Variants in LDLRAD3 observed in about 807,000 individuals in gnomAD.
LDLRAD3 encodes the protein low-density lipoprotein receptor class A domain-containing protein 3.
Under a neutral mutation model 29.4 loss-of-function variants are expected in LDLRAD3, and 20 were observed. That is an observed-to-expected ratio of 0.68 (90% CI 0.48 to 0.99). The LOEUF (loss-of-function observed/expected upper bound fraction) is 0.99, where lower values mean the gene tolerates loss of function less well. Among genes scored for constraint, LDLRAD3 ranks in the 50% least tolerant of loss-of-function variants. The probability of loss-of-function intolerance (pLI) is 0.00; values close to 1 mark genes in which losing one functional copy is unlikely to be tolerated. For missense variants in LDLRAD3, 420 were observed against 454.3 expected (o/e 0.92, Z 0.69); for synonymous variants, 157 against 192.7 (o/e 0.81, Z 1.53).
chr11:35,989,573 T>C (rs977261161), intron 1 of LDLRAD3, among the ~76,000 whole-genome samples: 2 of 152,146 alleles, frequency 1.3e-5, no homozygotes, highest in Admixed American at 6.5e-5. Context: ...ATTCTCCTTA[T>C]AGAGATCTTT....
chr11:36,089,431 ATTTT>A (rs34553102), intron 3 of LDLRAD3, among the ~76,000 whole-genome samples: 1 of 146,254 alleles, frequency 6.8e-6, no homozygotes, highest in Admixed American at 6.8e-5. Context: ...TTCCCAATAC[ATTTT>A]TTTTTTTTTT....
chr11:36,178,595 G>A (rs1854712750), intron 4 of LDLRAD3, among the ~76,000 whole-genome samples: 1 of 152,152 alleles, frequency 6.6e-6, no homozygotes, highest in South Asian at 2.1e-4. Flanking sequence ...CCACCTCTAT[G>A]CCCCATCAAA....
intron 1 of LDLRAD3, among the ~76,000 whole-genome samples, chr11:35,976,677 T>G (rs1851480067): frequency 6.6e-6 from 1 of 151,448 alleles, no homozygotes; most frequent in Admixed American, 6.6e-5. Context: ...GGTACTGAGT[T>G]GAATAACACA....
At chr11:36,007,989 C>T (rs1057142889) in intron 1 of LDLRAD3, among the ~76,000 whole-genome samples, 1 of 152,174 alleles carries the variant, frequency 6.6e-6, no homozygotes, top group African/African-American at 2.4e-5. Flanking sequence ...TCAGTTTACT[C>T]CACGTGACCT....
At chr11:36,080,271 G>A (rs983026392) in intron 2 of LDLRAD3, among the ~76,000 whole-genome samples, 3 of 152,178 alleles carry the variant, frequency 2.0e-5, no homozygotes, top group African/African-American at 7.2e-5. Flanking sequence ...ATCGCAAGCC[G>A]GAGCACCAGA....
intron 1 of LDLRAD3, among the ~76,000 whole-genome samples, chr11:35,979,623 C>A (rs1193794767): frequency 6.6e-6 from 1 of 152,068 alleles, no homozygotes; most frequent in Non-Finnish European, 1.5e-5. Context: ...AGCCTCTGAT[C>A]CATTTGTTTT....
chr11:36,136,110 A>G (rs555043293), intron 4 of LDLRAD3, among the ~76,000 whole-genome samples: 1 of 152,178 alleles, frequency 6.6e-6, no homozygotes. Flanking sequence ...ATCTGTGCAC[A>G]TGAATCTGTG....
intron 4 of LDLRAD3, among the ~76,000 whole-genome samples, chr11:36,139,255 A>G (rs1040451494): frequency 6.6e-6 from 1 of 152,288 alleles, no homozygotes; most frequent in African/African-American, 2.4e-5. Flanking sequence ...GACCTTGCCA[A>G]ATGTCCCCTG....
chr11:36,149,937 T>A (rs1590311276), intron 4 of LDLRAD3, among the ~76,000 whole-genome samples: 1 of 152,098 alleles, frequency 6.6e-6, no homozygotes, highest in Non-Finnish European at 1.5e-5. Flanking sequence ...AAGCCCTGGG[T>A]CTCTCTTACA....
intron 2 of LDLRAD3, among the ~76,000 whole-genome samples, chr11:36,042,265 T>C (rs1202491511): frequency 1.3e-5 from 2 of 152,202 alleles, no homozygotes; most frequent in Non-Finnish European, 2.9e-5. Context: ...GGGGAAAAAG[T>C]TGGATTCTGA....
intron 4 of LDLRAD3, among the ~76,000 whole-genome samples, chr11:36,103,159 A>G (rs1453701361): frequency 6.6e-6 from 1 of 151,916 alleles, no homozygotes; most frequent in Non-Finnish European, 1.5e-5. Flanking sequence ...GGCCCCGGGC[A>G]GTCATCATTC....
intron 4 of LDLRAD3, among the ~76,000 whole-genome samples, chr11:36,211,484 G>C (rs1270082313): frequency 6.6e-6 from 1 of 152,182 alleles, no homozygotes; most frequent in Non-Finnish European, 1.5e-5. Context: ...AGAGGGGCAA[G>C]ATCAGAAATT....
At chr11:36,054,703 A>T (rs74621874) in intron 2 of LDLRAD3, among the ~76,000 whole-genome samples, 1 of 112,750 alleles carries the variant, frequency 8.9e-6, no homozygotes, top group African/African-American at 3.6e-5. Context: ...GAATGGGTGG[A>T]TGGGTGGGTG....
intron 1 of LDLRAD3, among the ~76,000 whole-genome samples, chr11:35,961,158 C>G (rs796459951): frequency 6.6e-6 from 1 of 152,206 alleles, no homozygotes; most frequent in East Asian, 1.9e-4. Flanking sequence ...CTGGTGCCCC[C>G]GTGGCTCAGC....
At chr11:36,161,926 A>T (rs1854445679) in intron 4 of LDLRAD3, among the ~76,000 whole-genome samples, 1 of 152,234 alleles carries the variant, frequency 6.6e-6, no homozygotes, top group South Asian at 2.1e-4. Flanking sequence ...TCTGAGAATG[A>T]GTTAACATCT....
At chr11:36,079,649 A>C (rs981829016) in intron 2 of LDLRAD3, among the ~76,000 whole-genome samples, 6 of 152,188 alleles carry the variant, frequency 3.9e-5, no homozygotes, top group Non-Finnish European at 7.3e-5. Context: ...CATGGGTGCA[A>C]GAGGCAGCAC....
chr11:36,037,468 C>G (rs1565177319), intron 2 of LDLRAD3, among the ~76,000 whole-genome samples: 1 of 152,138 alleles, frequency 6.6e-6, no homozygotes, highest in Non-Finnish European at 1.5e-5. Context: ...GCACCCACCA[C>G]CGTGCCCAAC....
intron 2 of LDLRAD3, 78 bp downstream of exon 2, chr11:36,036,327 G>A (rs1030061876): frequency 1.3e-6 from 2 of 1,524,498 alleles, no homozygotes; most frequent in Non-Finnish European, 1.8e-6. Flanking sequence ...AGCAGGCTTA[G>A]ACCCTGCACA....
chr11:36,174,968 G>A (rs956768152), intron 4 of LDLRAD3, among the ~76,000 whole-genome samples: 16 of 151,934 alleles, frequency 1.1e-4, no homozygotes, highest in South Asian at 2.1e-4. Context: ...GGGACAGAGC[G>A]AGACTCCGTC....
Sources: allele counts gnomAD v4.1 joint callset (sites outside exome capture counted in the v4.1 genomes callset), GRCh38; gene constraint gnomAD v4.1.1; transcripts MANE v1.5; gene names NCBI Gene and HGNC (gene_info 2026-07-23, HGNC 2026-07-21).